Variants in COL8A1 observed in about 807,000 individuals in gnomAD.
COL8A1 encodes collagen alpha-1(VIII) chain.
COL8A1 carries 21 observed loss-of-function variants against 42.7 expected under a neutral mutation model. The ratio of observed to expected loss-of-function variants is 0.49; its 90% CI spans 0.35 to 0.71. The LOEUF (loss-of-function observed/expected upper bound fraction) is 0.71. Ranked by LOEUF, COL8A1 falls within the 30% of genes least tolerant of loss-of-function variation. COL8A1 has a pLI of 0.01. For synonymous variants in COL8A1, 367 were observed against 369.1 expected, an observed-to-expected ratio of 0.99 and a Z score of 0.06; for missense variants, 788 against 962.4, an observed-to-expected ratio of 0.82 and a Z score of 2.40.
At chr3:99,723,002 G>GT (rs1034791896) in intron 1 of COL8A1, among the ~76,000 whole-genome samples, 22 of 92,212 alleles carry the variant, frequency 2.4e-4, no homozygotes, top group Non-Finnish European at 3.7e-4. Context: ...AGAGACCAAA[G>GT]TTGTGTGTGT....
rs919423182 is a variant in COL8A1, at chr3:99,688,755, C to T, written c.-129+50091C>T. 5.3e-5 allele frequency among the ~76,000 whole-genome samples: 8 copies of T among 152,062 alleles called. No homozygotes were observed. In the East Asian group the frequency reaches 7.7e-4, roughly 15 times the overall value. On this transcript the variant is annotated intron_variant, in intron 1 of 3. Transcript: ENST00000652472. ...TTTGTTCAAATATGCCCAGTGAGCCCGTGTGATTGAGCTCCGTCATCATCA... is the reference window on the plus strand; with the variant it reads ...TTTGTTCAAATATGCCCAGTGAGCCTGTGTGATTGAGCTCCGTCATCATCA...
At chr3:99,718,247 G>T (rs745383981) in intron 1 of COL8A1, among the ~76,000 whole-genome samples, 12 of 152,016 alleles carry the variant, frequency 7.9e-5, no homozygotes, top group Admixed American at 5.9e-4. Flanking sequence ...TTCCCAATTA[G>T]ATGATGGCCC....
At chr3:99,682,195 A>T (rs1938903557) in intron 1 of COL8A1, among the ~76,000 whole-genome samples, 1 of 152,128 alleles carries the variant, frequency 6.6e-6, no homozygotes, top group Non-Finnish European at 1.5e-5. Flanking sequence ...CGGGAGGATG[A>T]CTTGAGGGCA....
At chr3:99,682,615 T>TAAA (rs34375356) in intron 1 of COL8A1, among the ~76,000 whole-genome samples, 16 of 142,078 alleles carry the variant, frequency 1.1e-4, no homozygotes, top group Middle Eastern at 3.5e-3. Context: ...AATGTGAAAT[T>TAAA]AAAAAAAAAA....
chr3:99,766,707 T>G (rs1315214559), intron 2 of COL8A1, among the ~76,000 whole-genome samples: 1 of 152,186 alleles, frequency 6.6e-6, no homozygotes, highest in East Asian at 1.9e-4. Context: ...CCCAGCACTT[T>G]GGGAGGCCAA....
intron 1 of COL8A1, among the ~76,000 whole-genome samples, chr3:99,733,148 T>TTTA (rs58813040): frequency 2.0e-5 from 3 of 149,668 alleles, no homozygotes; most frequent in African/African-American, 7.4e-5. Flanking sequence ...CTTTCTTTTT[T>TTTA]TTATTATTAT....
chr3:99,750,049 C>CTTTTTTTTTTTTTTTT (rs1176042144), intron 2 of COL8A1, among the ~76,000 whole-genome samples: 56 of 65,956 alleles, frequency 8.5e-4, no homozygotes, highest in African/African-American at 1.1e-3. Context: ...TTTTTTTCTT[C>CTTTTTTTTTTTTTTTT]TTTTTTTTTT....
At chr3:99,713,511 G>A (rs1256373984) in intron 1 of COL8A1, among the ~76,000 whole-genome samples, 2 of 151,998 alleles carry the variant, frequency 1.3e-5, no homozygotes, top group Non-Finnish European at 1.5e-5. Context: ...CAGAATCCAC[G>A]AGCTTCTATG....
intron 1 of COL8A1, among the ~76,000 whole-genome samples, chr3:99,686,934 G>A (rs898268495): frequency 1.3e-5 from 2 of 152,114 alleles, no homozygotes; most frequent in South Asian, 4.1e-4. Context: ...GCAATGACAC[G>A]ATCTTGGCTC....
chr3:99,786,911 C>T (rs1057404215), intron 2 of COL8A1, among the ~76,000 whole-genome samples: 6 of 152,230 alleles, frequency 3.9e-5, no homozygotes, highest in Middle Eastern at 6.8e-3. Flanking sequence ...CTTTCCCTTG[C>T]TTTAGGGTGG....
intron 2 of COL8A1, among the ~76,000 whole-genome samples, chr3:99,754,476 A>G (rs1211598162): frequency 1.3e-5 from 2 of 152,022 alleles, no homozygotes; most frequent in African/African-American, 2.4e-5. Flanking sequence ...AGAAGCCAGG[A>G]CAAGAGGTTT....
intron 2 of COL8A1, among the ~76,000 whole-genome samples, chr3:99,746,033 G>A (rs73860464): frequency 6.6e-6 from 1 of 151,938 alleles, no homozygotes; most frequent in Non-Finnish European, 1.5e-5. Flanking sequence ...AGAATGAATT[G>A]CTAAGATTCC....
Position 99,795,336 on chromosome 3 carries a change from C to T in COL8A1, c.1435C>T (p.Leu479Phe). 6.3e-7 allele frequency: 1 copy of T among 1,599,258 alleles called. No individual in the cohort carries two copies. The highest frequency in any genetic ancestry group is 2.3e-5 in the East Asian group (1 of 44,436). The change falls in exon 4 of 4, where the codon CTC (leucine) becomes TTC (phenylalanine). Residue 479 changes from leucine (L) to phenylalanine (F), a missense_variant. By Grantham distance (22) the Leu-to-Phe change is conservative. This residue lies in a region of COL8A1 where 154 missense variants were observed against 182.3 expected (regional missense o/e 0.84). Coordinates refer to ENST00000652472, the MANE Select transcript of COL8A1 (RefSeq NM_020351.4). ...AGGACTCCCTGGTGTTCCAGGGCTT[C>T]TCGGACCTAAGGGAGAGCCAGGAAT... Reference protein sequence around the residue: ...VPGLPGVPGLLGPKGEPGIPG... With the variant: ...VPGLPGVPGLFGPKGEPGIPG...
chr3:99,762,672 T>C (rs1223526945), intron 2 of COL8A1, among the ~76,000 whole-genome samples: 4 of 152,168 alleles, frequency 2.6e-5, no homozygotes, highest in Non-Finnish European at 5.9e-5. Flanking sequence ...GTCCTAGGCT[T>C]GCACCCCAGT....
At chr3:99,668,948 C>G (rs1039113681) in intron 1 of COL8A1, among the ~76,000 whole-genome samples, 1 of 151,572 alleles carries the variant, frequency 6.6e-6, no homozygotes, top group East Asian at 1.9e-4. Context: ...TTTATTATAT[C>G]GCAGCTTTAG....
chr3:99,794,880 C>T lies in COL8A1; in HGVS notation c.979C>T (p.Pro327Ser). The T allele has an allele frequency of 3.1e-6, 5 of 1,607,082 alleles. No homozygotes were observed. Among genetic ancestry groups the T allele is most frequent in the Non-Finnish European group, 4.2e-6 (5 of 1,177,104 alleles). ...KPGQDGIPGQ[P>S]GFPGGKGEQG... is the part of the protein sequence containing the mutation. Reference sequence around the variant, plus strand: ...AGGCCAGGATGGGATCCCAGGCCAGCCAGGATTTCCAGGTGGCAAAGGGGA... The same window carrying T: ...AGGCCAGGATGGGATCCCAGGCCAGTCAGGATTTCCAGGTGGCAAAGGGGA... The change falls in exon 4 of 4, where the codon CCA becomes TCA. Residue 327 changes from proline to serine, a missense_variant. Around this residue, in one of 4 missense-constraint regions of COL8A1, gnomAD observed 421 missense variants for 553.1 expected, o/e 0.76. Transcript: ENST00000652472. This position sits in a 1 kb window ranked among gnomAD's most constrained non-coding sequence, Gnocchi z 4.3.
chr3:99,782,287 A>G (rs1941808069), intron 2 of COL8A1, among the ~76,000 whole-genome samples: 1 of 152,168 alleles, frequency 6.6e-6, no homozygotes, highest in South Asian at 2.1e-4. Context: ...CGCCAACTGT[A>G]AGAAGGGAGA....
At chr3:99,686,593 G>A (rs1318475364) in intron 1 of COL8A1, among the ~76,000 whole-genome samples, 1 of 152,218 alleles carries the variant, frequency 6.6e-6, no homozygotes, top group Non-Finnish European at 1.5e-5. Context: ...TTAGGAGCAA[G>A]TGGACTGGAC....
rs138676785 is a variant in COL8A1, at chr3:99,721,292, G to A, written c.-128-23605G>A. Among the ~76,000 whole-genome samples the A allele has an allele frequency of 1.6e-3, 249 of 151,420 alleles. 1 individual carries two copies. Among genetic ancestry groups the A allele is most frequent in the African/African-American group, 5.8e-3 (239 of 41,304 alleles). ...AAAGACGTTTAAAATGTCAGCGGATGGCTCAGCACACCCATCAGCCAGCCA... is the reference window on the plus strand; with the variant it reads ...AAAGACGTTTAAAATGTCAGCGGATAGCTCAGCACACCCATCAGCCAGCCA... On this transcript the variant is annotated intron_variant, in intron 1 of 3. Coordinates refer to ENST00000652472, the MANE Select transcript of COL8A1 (RefSeq NM_020351.4).
Sources: gnomAD v4.1 joint callset for allele counts (sites outside exome capture counted in the v4.1 genomes callset) on GRCh38, gnomAD v4.1.1 for gene constraint, gnomAD v4.1.1 regional missense constraint, Gnocchi (gnomAD v3.1) non-coding constraint, MANE v1.5 for transcripts, NCBI Gene and HGNC (gene_info 2026-07-23, HGNC 2026-07-21) for gene names.